Variants in AK5 observed in about 807,000 individuals in gnomAD.
AK5 encodes the protein adenylate kinase 5.
A neutral mutation model predicts 69.5 loss-of-function variants in AK5; 27 were observed. The observed-to-expected ratio is 0.39, with a 90% CI of 0.29 to 0.54. The LOEUF (loss-of-function observed/expected upper bound fraction) is 0.54. Ranked by LOEUF, AK5 falls within the 20% of genes least tolerant of loss-of-function variation. AK5 has a pLI of 0.71. For missense variants in AK5, 531 were observed against 700.4 expected (o/e 0.76, Z 2.73); for synonymous variants, 260 against 244.4 (o/e 1.06, Z -0.60).
At chr1:77,311,286 G>A (rs555759885) in intron 5 of AK5, among the ~76,000 whole-genome samples, 1 of 152,240 alleles carries the variant, frequency 6.6e-6, no homozygotes, top group East Asian at 1.9e-4. Context: ...TTCAGAAAAA[G>A]GAAAGATTCA....
chr1:77,518,448 A>G, intron 10 of AK5, 116 bp from the exon 11 acceptor site: 1 of 1,083,536 alleles, frequency 9.2e-7, no homozygotes, highest in African/African-American at 1.6e-5. Flanking sequence ...GCAAATCTCA[A>G]GTTCCCAATA....
intron 13 of AK5, among the ~76,000 whole-genome samples, chr1:77,549,211 C>G (rs992799445): frequency 1.3e-5 from 2 of 152,122 alleles, no homozygotes; most frequent in Non-Finnish European, 2.9e-5. Flanking sequence ...TATTTTGCTA[C>G]ACTGGTCAGA....
chr1:77,309,875 A>G (rs747628651), intron 5 of AK5, among the ~76,000 whole-genome samples: 2 of 152,114 alleles, frequency 1.3e-5, no homozygotes, highest in African/African-American at 2.4e-5. Context: ...TACATATCTT[A>G]TAATATTTTC....
chr1:77,403,276 T>G (rs1270027616), intron 6 of AK5, among the ~76,000 whole-genome samples: 3 of 152,256 alleles, frequency 2.0e-5, no homozygotes, highest in Admixed American at 6.5e-5. Flanking sequence ...AGTTTCTTTT[T>G]CTGTGCAGAA....
chr1:77,531,398 G>A lies in AK5; in HGVS notation c.1429-4449G>A, dbSNP rs190395287. On this transcript the variant is annotated intron_variant, in intron 12 of 13. Transcript: ENST00000354567. ...CATTTTACAGAGAGCTGATTGGTCC[G>A]TTTTGACAGGGTGCTGATTGGTGCG... Among the ~76,000 whole-genome samples the A allele has an allele frequency of 7.9e-3, 1,198 of 152,226 alleles. 25 individuals are homozygous for A. Among genetic ancestry groups the A allele is most frequent in the African/African-American group, 0.027 (1,129 of 41,536 alleles).
chr1:77,402,630 A>AT (rs1192609006), intron 6 of AK5, among the ~76,000 whole-genome samples: 1 of 151,782 alleles, frequency 6.6e-6, no homozygotes, highest in Admixed American at 6.6e-5. Context: ...CGAACTCATC[A>AT]TTTTTTATGG....
intron 10 of AK5, among the ~76,000 whole-genome samples, chr1:77,500,875 GT>G (rs34578405): frequency 0.42 from 63,586 of 151,314 alleles, 14,226 homozygotes; most frequent in East Asian, 0.57. Flanking sequence ...GTTTTGTTTT[GT>G]TTTTTTTTAT....
chr1:77,467,555 T>TA (rs1557613501), intron 8 of AK5, among the ~76,000 whole-genome samples: 1 of 152,234 alleles, frequency 6.6e-6, no homozygotes, highest in Non-Finnish European at 1.5e-5. Flanking sequence ...TCTCATATGG[T>TA]AATTTCATAC....
chr1:77,508,967 A>G (rs539455524), intron 10 of AK5, among the ~76,000 whole-genome samples: 3 of 152,270 alleles, frequency 2.0e-5, no homozygotes, highest in East Asian at 1.9e-4. Flanking sequence ...AAGTAATACA[A>G]TCTAACACAG....
intron 5 of AK5, among the ~76,000 whole-genome samples, chr1:77,337,444 G>A (rs6691415): frequency 0.17 from 25,442 of 151,858 alleles, 2,258 homozygotes; most frequent in South Asian, 0.27. Flanking sequence ...TTTAATATGC[G>A]TTATCTCCAA....
At chr1:77,530,334 G>A (rs1420909818) in intron 12 of AK5, among the ~76,000 whole-genome samples, 1 of 152,218 alleles carries the variant, frequency 6.6e-6, no homozygotes, top group African/African-American at 2.4e-5. Context: ...GTGTATTCAG[G>A]AATGCTGGAA....
chr1:77,549,322 G>A (rs1039345428), intron 13 of AK5, among the ~76,000 whole-genome samples: 3 of 151,656 alleles, frequency 2.0e-5, no homozygotes, highest in African/African-American at 4.9e-5. Flanking sequence ...ACTTTTGTGG[G>A]TACATATTGG....
At chr1:77,475,195 A>ATATATATATATATATATATGTG (rs1182380859) in intron 8 of AK5, among the ~76,000 whole-genome samples, 1 of 29,160 alleles carries the variant, frequency 3.4e-5, no homozygotes, top group South Asian at 1.4e-3. Context: ...ATATATATAT[A>ATATATATATATATATATATGTG]TGTGTGTGTG....
chr1:77,292,135 G>A (rs981436836), intron 2 of AK5, among the ~76,000 whole-genome samples: 2 of 152,194 alleles, frequency 1.3e-5, no homozygotes, highest in Non-Finnish European at 2.9e-5. Context: ...TTTGGTATAT[G>A]TTTTGCAAAT....
chr1:77,391,481 G>A (rs4949796), intron 6 of AK5, among the ~76,000 whole-genome samples: 1,152 of 34,390 alleles, frequency 0.033, 18 homozygotes, highest in Non-Finnish European at 0.041. Flanking sequence ...ATGTGTGTGT[G>A]TATGTGTGTG....
intron 10 of AK5, among the ~76,000 whole-genome samples, chr1:77,496,524 G>A (rs1436784099): frequency 6.6e-6 from 1 of 152,154 alleles, no homozygotes; most frequent in Admixed American, 6.5e-5. Flanking sequence ...AAAGGAGACA[G>A]TTGAGGTGAA....
At chr1:77,512,257 CAG>C (rs141879271) in intron 10 of AK5, among the ~76,000 whole-genome samples, 8 of 150,848 alleles carry the variant, frequency 5.3e-5, no homozygotes, top group Non-Finnish European at 5.9e-5. Context: ...GAGAGAGAGA[CAG>C]AGAGAGAGAG....
At chr1:77,537,892 T>C (rs963920815) in intron 13 of AK5, among the ~76,000 whole-genome samples, 6 of 152,166 alleles carry the variant, frequency 3.9e-5, no homozygotes, top group African/African-American at 1.4e-4. Flanking sequence ...CAGCACTGTT[T>C]CTCAGTCAGC....
chr1:77,323,369 T>G (rs1217713693), intron 5 of AK5, among the ~76,000 whole-genome samples: 3 of 152,226 alleles, frequency 2.0e-5, no homozygotes, highest in African/African-American at 7.2e-5. Flanking sequence ...GTTGTCTGCT[T>G]CTTTTCTGCT....
Sources: allele counts gnomAD v4.1 joint callset (sites outside exome capture counted in the v4.1 genomes callset), GRCh38; gene constraint gnomAD v4.1.1; transcripts MANE v1.5; gene names NCBI Gene and HGNC (gene_info 2026-07-23, HGNC 2026-07-21).